DPT: variants seen among roughly 807,000 people sequenced by gnomAD.
DPT encodes tyrosine-rich acidic matrix protein.
A neutral mutation model predicts 31.2 loss-of-function variants in DPT; 21 were observed. The ratio of observed to expected loss-of-function variants is 0.67; its 90% CI spans 0.48 to 0.97. The LOEUF (loss-of-function observed/expected upper bound fraction) is 0.97, where lower values mean the gene tolerates loss of function less well. Ranked by LOEUF, DPT falls within the 50% of genes least tolerant of loss-of-function variation. The pLI is 0.00. For synonymous variants in DPT, 91 were observed against 86.9 expected (o/e 1.05, Z -0.26); for missense variants, 262 against 258.8 (o/e 1.01, Z -0.08).
chr1:168,727,249 C>T (rs978422088), intron 1 of DPT, among the ~76,000 whole-genome samples: 6 of 152,214 alleles, frequency 3.9e-5, no homozygotes, highest in East Asian at 1.9e-4. Context: ...GGATCCAAAC[C>T]CCAGCTTTCT....
Position 168,701,128 on chromosome 1 carries a change from T to G in DPT, c.432-4A>C. The G allele has an allele frequency of 6.2e-7, 1 of 1,603,078 alleles. No homozygotes were observed. The highest frequency in any genetic ancestry group is 8.5e-7 in the Non-Finnish European group (1 of 1,170,304). The stretch of plus-strand genomic sequence containing the variant: ...ACCTGGATATTCTGTTGTTAGCCTA[T>G]GCAGGAAGAACAAAGGTTAGAGGAA... On this transcript the variant is annotated splice_region_variant and splice_polypyrimidine_tract_variant and intron_variant, in intron 2 of 3. Coordinates refer to ENST00000367817, the MANE Select transcript of DPT (RefSeq NM_001937.5).
intron 3 of DPT, among the ~76,000 whole-genome samples, chr1:168,700,452 T>C (rs991122395): frequency 2.6e-5 from 4 of 152,210 alleles, no homozygotes; most frequent in African/African-American, 9.7e-5. Flanking sequence ...AGGTTCTGTG[T>C]GTTTCTTATC....
At position 168,729,048 on chromosome 1, in the gene DPT, G is replaced by A. The variant is rs147889127; in HGVS notation, c.127C>T (p.Arg43Trp). 45 of 1,614,190 alleles carry A rather than the reference G, an allele frequency of 2.8e-5. No individual in the cohort carries two copies. In the African/African-American group the frequency reaches 3.3e-4, roughly 12 times the overall value. The change falls in exon 1 of 4, where the codon CGG becomes TGG. Residue 43 changes from arginine to tryptophan, a missense_variant. Transcript: ENST00000367817. ...GGACACTGGTAGCTGAAGCCTTGCC[G>A]GTTCAAATTCACCCACCCATCATCG... ...YSDDGWVNLN[R>W]QGFSYQCPQG...
intron 2 of DPT, among the ~76,000 whole-genome samples, chr1:168,710,672 T>G (rs898175391): frequency 6.6e-6 from 1 of 152,134 alleles, no homozygotes; most frequent in African/African-American, 2.4e-5. Flanking sequence ...TAAGGGAGCT[T>G]GAGAAGCCTT....
chr1:168,721,006 G>A (rs1246469411), intron 1 of DPT, among the ~76,000 whole-genome samples: 1 of 152,162 alleles, frequency 6.6e-6, no homozygotes, highest in Non-Finnish European at 1.5e-5. Flanking sequence ...GTACTGATAA[G>A]TAAACACTAT....
intron 1 of DPT, among the ~76,000 whole-genome samples, chr1:168,726,842 T>C (rs576303415): frequency 2.0e-5 from 3 of 152,328 alleles, no homozygotes; most frequent in African/African-American, 7.2e-5. Context: ...TCAGCATCTG[T>C]CAGAAGGGGT....
At chr1:168,723,646 G>C (rs561801804) in intron 1 of DPT, among the ~76,000 whole-genome samples, 1 of 152,196 alleles carries the variant, frequency 6.6e-6, no homozygotes, top group Non-Finnish European at 1.5e-5. Context: ...TTTGTAAAAA[G>C]AGGATGACAG....
chr1:168,711,587 G>C (rs1472439087), intron 2 of DPT, among the ~76,000 whole-genome samples: 1 of 152,186 alleles, frequency 6.6e-6, no homozygotes, highest in Non-Finnish European at 1.5e-5. Flanking sequence ...CTGTCCAACT[G>C]GTCACATGTC....
intron 2 of DPT, among the ~76,000 whole-genome samples, chr1:168,705,016 G>T (rs1391858613): frequency 5.3e-5 from 8 of 152,096 alleles, no homozygotes; most frequent in Non-Finnish European, 1.2e-4. Flanking sequence ...CCAGGTATAC[G>T]CTCTCACATC....
chr1:168,714,087 T>A (rs894787493), intron 2 of DPT, 134 bp downstream of exon 2: 1 of 1,173,096 alleles, frequency 8.5e-7, no homozygotes, highest in Non-Finnish European at 1.2e-6. Context: ...AAGTCATTCA[T>A]TCATTCTTGT....
chr1:168,727,953 T>C (rs1650286641), intron 1 of DPT, among the ~76,000 whole-genome samples: 1 of 152,162 alleles, frequency 6.6e-6, no homozygotes, highest in Non-Finnish European at 1.5e-5. Flanking sequence ...TCCTCCTCCC[T>C]GGACTGCCTC....
intron 2 of DPT, among the ~76,000 whole-genome samples, chr1:168,711,834 A>G (rs930556408): frequency 6.6e-6 from 1 of 152,312 alleles, no homozygotes; most frequent in South Asian, 2.1e-4. Context: ...TGCTCATAAC[A>G]AAAAGTAGCC....
intron 3 of DPT, among the ~76,000 whole-genome samples, chr1:168,699,376 G>C (rs771260409): frequency 6.6e-6 from 1 of 151,830 alleles, no homozygotes; most frequent in Non-Finnish European, 1.5e-5. Context: ...TATTCTCATT[G>C]GTGGAATGAG....
intron 2 of DPT, among the ~76,000 whole-genome samples, chr1:168,711,997 G>C (rs1649877150): frequency 6.6e-6 from 1 of 152,068 alleles, no homozygotes; most frequent in Non-Finnish European, 1.5e-5. Context: ...TTATGTAAGA[G>C]AATTATATTT....
chr1:168,718,102 A>T (rs2101909123), intron 1 of DPT, among the ~76,000 whole-genome samples: 1 of 152,362 alleles, frequency 6.6e-6, no homozygotes, highest in East Asian at 1.9e-4. Flanking sequence ...GCCTTCCTCT[A>T]AAACAAAGCC....
intron 2 of DPT, among the ~76,000 whole-genome samples, chr1:168,712,941 C>G (rs1311219816): frequency 1.3e-5 from 2 of 151,410 alleles, no homozygotes; most frequent in African/African-American, 2.4e-5. Context: ...CTTGGAGACT[C>G]AAAAAAGGTG....
chr1:168,698,380 G>C (rs949631949), intron 3 of DPT, among the ~76,000 whole-genome samples: 1 of 152,148 alleles, frequency 6.6e-6, no homozygotes, highest in South Asian at 2.1e-4. Flanking sequence ...TTAGAAAATT[G>C]GTGGCCTGTG....
chr1:168,725,910 G>C (rs898862894), intron 1 of DPT, among the ~76,000 whole-genome samples: 1 of 152,148 alleles, frequency 6.6e-6, no homozygotes, highest in Non-Finnish European at 1.5e-5. Context: ...ACTGTTCCCT[G>C]AGAACAGACT....
At chr1:168,704,525 C>A (rs933169183) in intron 2 of DPT, among the ~76,000 whole-genome samples, 22 of 152,166 alleles carry the variant, frequency 1.4e-4, no homozygotes, top group African/African-American at 5.3e-4. Flanking sequence ...CCAGCCCGGG[C>A]GACAGAGCGA....
Sources: gnomAD v4.1 joint callset for allele counts (sites outside exome capture counted in the v4.1 genomes callset) on GRCh38, gnomAD v4.1.1 for gene constraint, MANE v1.5 for transcripts, NCBI Gene and HGNC (gene_info 2026-07-23, HGNC 2026-07-21) for gene names.